The following CFAP61 variants were observed in gnomAD, a reference collection of about 807,000 sequenced individuals.
CFAP61 encodes the protein cilia and flagella associated protein 61, also known as cilia- and flagella-associated protein 61.
A neutral mutation model predicts 135.6 loss-of-function variants in CFAP61; 107 were observed. The ratio of observed to expected loss-of-function variants is 0.79; its 90% confidence interval spans 0.67 to 0.93. The LOEUF (loss-of-function observed/expected upper bound fraction) is 0.93, where lower values mean the gene tolerates loss of function less well. CFAP61 is among the 40% of genes least tolerant of loss of function. The probability of loss-of-function intolerance (pLI) is 0.00; values close to 1 mark genes in which losing one functional copy is unlikely to be tolerated. For missense variants in CFAP61, 1,507 were observed against 1,556.2 expected (o/e 0.97, Z 0.53); for synonymous variants, 575 against 578.5 (o/e 0.99, Z 0.09).
At chr20:20,057,213 C>G in intron 2 of CFAP61, among the ~76,000 whole-genome samples, 1 of 150,806 alleles carries the variant, frequency 6.6e-6, no homozygotes, top group East Asian at 1.9e-4. Flanking sequence ...TTATTGTGAG[C>G]AAATGGGTAG....
At chr20:20,105,112 G>A (rs373182615) in intron 8 of CFAP61, among the ~76,000 whole-genome samples, 13 of 152,150 alleles carry the variant, frequency 8.5e-5, no homozygotes, top group South Asian at 6.2e-4. Flanking sequence ...ATGTGTTCAG[G>A]GTGGGGAATG....
intron 9 of CFAP61, among the ~76,000 whole-genome samples, chr20:20,157,089 TCTTTTTTTTCTCTCTCTCTATTGCCCAGG>T (rs1331607760): frequency 1.3e-5 from 2 of 152,094 alleles, no homozygotes; most frequent in African/African-American, 4.8e-5. Flanking sequence ...ATTGTAAGAT[TCTTTTTTTTCTCTCTCTCTATTGCCCAGG>T]CTGGAGTGCA....
intron 18 of CFAP61, among the ~76,000 whole-genome samples, chr20:20,235,651 C>A (rs550929500): frequency 6.6e-6 from 1 of 152,088 alleles, no homozygotes; most frequent in Non-Finnish European, 1.5e-5. Flanking sequence ...TTCCTCCCTG[C>A]GGAGGGAGGA....
intron 24 of CFAP61, among the ~76,000 whole-genome samples, chr20:20,293,579 G>A (rs529763909): frequency 5.3e-5 from 8 of 152,076 alleles, no homozygotes; most frequent in East Asian, 1.9e-4. Context: ...ACAATATTTC[G>A]CCAGAGAAAT....
chr20:20,157,787 TA>T (rs1335524529), intron 9 of CFAP61, among the ~76,000 whole-genome samples: 2 of 152,190 alleles, frequency 1.3e-5, no homozygotes, highest in African/African-American at 2.4e-5. Flanking sequence ...CATCAAAATT[TA>T]AAACCTTTTC....
At chr20:20,193,457 T>G (rs1344226534) in intron 15 of CFAP61, among the ~76,000 whole-genome samples, 1 of 151,604 alleles carries the variant, frequency 6.6e-6, no homozygotes, top group African/African-American at 2.4e-5. Context: ...TTTATTGCAC[T>G]TTTTGATCCA....
At chr20:20,081,282 T>C (rs2046411500) in intron 6 of CFAP61, among the ~76,000 whole-genome samples, 1 of 152,180 alleles carries the variant, frequency 6.6e-6, no homozygotes, top group Admixed American at 6.5e-5. Flanking sequence ...TTTCTAAAAG[T>C]ATTTTCTTAA....
At chr20:20,286,801 T>G (rs968178038) in intron 22 of CFAP61, among the ~76,000 whole-genome samples, 13 of 152,192 alleles carry the variant, frequency 8.5e-5, no homozygotes, top group Non-Finnish European at 1.5e-5. Flanking sequence ...ACACCAAAAG[T>G]GTATAAGTAA....
At chr20:20,057,561 T>A (rs867255908) in intron 2 of CFAP61, among the ~76,000 whole-genome samples, 1 of 152,188 alleles carries the variant, frequency 6.6e-6, no homozygotes, top group Non-Finnish European at 1.5e-5. Context: ...AAACCTGGAT[T>A]TGTTCACAGC....
chr20:20,247,932 G>C (rs1327711469), intron 19 of CFAP61, among the ~76,000 whole-genome samples: 2 of 151,948 alleles, frequency 1.3e-5, no homozygotes, highest in African/African-American at 4.8e-5. Flanking sequence ...TTTTTTTCTT[G>C]CTACTTAAAT....
At chr20:20,247,412 G>A (rs12626132) in intron 19 of CFAP61, among the ~76,000 whole-genome samples, 8,848 of 152,244 alleles carry the variant, frequency 0.058, 897 homozygotes, top group East Asian at 0.48. Context: ...AGCCACTGGC[G>A]TCCCTGCTGC....
At chr20:20,054,708 C>G (rs1053268212) in intron 1 of CFAP61, among the ~76,000 whole-genome samples, 1 of 152,136 alleles carries the variant, frequency 6.6e-6, no homozygotes, top group Non-Finnish European at 1.5e-5. Flanking sequence ...TTGCTAACCC[C>G]CGTGCTACTG....
rs180969710 is a variant in CFAP61, at chr20:20,130,016, G to A, written c.860-12841G>A. On this transcript the variant is annotated intron_variant, in intron 8 of 26. Transcript: ENST00000245957. The stretch of plus-strand genomic sequence containing the variant: ...CTTAAAGATCACTGAGTAGCCGGGC[G>A]CGATGGCTTACACCTGTAATCACAA... Among the ~76,000 whole-genome samples, 122 of 151,728 alleles carry A rather than the reference G, an allele frequency of 8.0e-4. 2 individuals are homozygous for A. The highest frequency in any genetic ancestry group is 2.6e-3 in the African/African-American group (106 of 41,096).
chr20:20,296,244 CCCT>C, intron 24 of CFAP61, among the ~76,000 whole-genome samples: 4 of 106,806 alleles, frequency 3.7e-5, no homozygotes, highest in Non-Finnish European at 5.8e-5. Flanking sequence ...TTCCTTCCCT[CCCT>C]CTTCCTTCCT....
At chr20:20,081,000 CA>C (rs796113908) in intron 6 of CFAP61, among the ~76,000 whole-genome samples, 48 of 135,244 alleles carry the variant, frequency 3.5e-4, no homozygotes, top group Non-Finnish European at 3.5e-4. Flanking sequence ...GACTCCATCT[CA>C]AAAAAAAAAA....
intron 24 of CFAP61, among the ~76,000 whole-genome samples, chr20:20,297,665 T>G (rs1343311426): frequency 6.6e-6 from 1 of 152,254 alleles, no homozygotes; most frequent in Non-Finnish European, 1.5e-5. Flanking sequence ...CCTTGAACCT[T>G]CTTCCTGGGA....
At chr20:20,071,575 C>G (rs534640133) in intron 3 of CFAP61, among the ~76,000 whole-genome samples, 1 of 152,178 alleles carries the variant, frequency 6.6e-6, no homozygotes. Context: ...CCTGCCAGAG[C>G]CAGGCCAGAG....
chr20:20,296,330 T>TCCCTCCTTCCTTC (rs1555959252), intron 24 of CFAP61, among the ~76,000 whole-genome samples: 2 of 39,596 alleles, frequency 5.1e-5, no homozygotes, highest in African/African-American at 1.8e-4. Context: ...TTCCTTCCCT[T>TCCCTCCTTCCTTC]CCTTCCTTCC....
In CFAP61 at chr20:20,065,616, G is replaced by GAAAA. The variant is rs11445024; in HGVS notation, c.144-5227_144-5224dup. On this transcript the variant is annotated intron_variant, in intron 2 of 26. Transcript: ENST00000245957. Reference sequence around the variant, plus strand: ...TAATGACTTATTTTATAGACATTTTGAAAAAAAAAAAAAAGGTGGTTCTTT... The same window carrying GAAAA: ...TAATGACTTATTTTATAGACATTTTGAAAAAAAAAAAAAAAAAAGGTGGTTCTTT... Among the ~76,000 whole-genome samples, 442 of 136,238 alleles carry GAAAA rather than the reference G, an allele frequency of 3.2e-3. 6 individuals are homozygous for GAAAA. Among genetic ancestry groups the GAAAA allele is most frequent in the African/African-American group, 6.3e-3 (230 of 36,358 alleles). The allele number at this position is 136,238 out of a possible 152,430, so 89.4% of individuals were successfully genotyped here.
Sources: gnomAD v4.1 joint callset for allele counts (sites outside exome capture counted in the v4.1 genomes callset) on GRCh38, gnomAD v4.1.1 for gene constraint, MANE v1.5 for transcripts, NCBI Gene and HGNC (gene_info 2026-07-23, HGNC 2026-07-21) for gene names.